CHD7: variants seen among roughly 807,000 people sequenced by gnomAD.
CHD7 encodes the protein chromodomain helicase DNA binding protein 7, also known as ATP-dependent chromatin remodeler CHD7.
In CHD7, 24 loss-of-function variants were observed where a neutral mutation model predicts 307.3. The ratio of observed to expected loss-of-function variants is 0.08; its 90% CI spans 0.06 to 0.11. The LOEUF is 0.11. Ranked by LOEUF, CHD7 falls within the 10% of genes least tolerant of loss-of-function variation. The pLI is 1.00. For missense variants in CHD7, 3,106 were observed against 3,727.1 expected (o/e 0.83, Z 4.34); for synonymous variants, 1,363 against 1,349.9 (o/e 1.01, Z -0.21).
chr8:60,707,849 C>T (rs1807092447), intron 1 of CHD7, among the ~76,000 whole-genome samples: 1 of 152,112 alleles, frequency 6.6e-6, no homozygotes, highest in South Asian at 2.1e-4. Context: ...TCACGTTGTA[C>T]CTTAAATACA....
At chr8:60,828,952 T>G in intron 14 of CHD7, 146 bp downstream of exon 14, 1 of 699,386 alleles carries the variant, frequency 1.4e-6, no homozygotes, top group Non-Finnish European at 2.3e-6. Context: ...TTCCTTGGAC[T>G]TTCCAGGTCA....
intron 3 of CHD7, among the ~76,000 whole-genome samples, chr8:60,787,854 A>G (rs1811574008): frequency 7.7e-6 from 1 of 129,822 alleles, no homozygotes; most frequent in Non-Finnish European, 1.6e-5. Context: ...TTTTTGAAAC[A>G]GACTCGCTCT....
At chr8:60,790,851 A>G (rs1811741952) in intron 3 of CHD7, among the ~76,000 whole-genome samples, 1 of 152,174 alleles carries the variant, frequency 6.6e-6, no homozygotes, top group Non-Finnish European at 1.5e-5. Context: ...GGGGTACATC[A>G]TGTGACATGT....
chr8:60,819,591 G>T (rs942441115), intron 8 of CHD7, among the ~76,000 whole-genome samples: 18 of 152,186 alleles, frequency 1.2e-4, no homozygotes, highest in African/African-American at 4.3e-4. Flanking sequence ...ATGCTATAAG[G>T]CATCGGACAA....
chr8:60,843,086 A>G (rs1805045363), intron 21 of CHD7, among the ~76,000 whole-genome samples: 2 of 152,006 alleles, frequency 1.3e-5, no homozygotes, highest in Admixed American at 6.5e-5. Flanking sequence ...CACACTCATC[A>G]TGTTGTTTAC....
At chr8:60,784,954 C>T (rs1186027935) in intron 3 of CHD7, among the ~76,000 whole-genome samples, 2 of 152,082 alleles carry the variant, frequency 1.3e-5, no homozygotes, top group East Asian at 3.8e-4. Context: ...CTAGTGTTCT[C>T]CCCAGTTGTC....
intron 1 of CHD7, among the ~76,000 whole-genome samples, chr8:60,733,433 C>G (rs899432031): frequency 6.6e-6 from 1 of 152,170 alleles, no homozygotes; most frequent in Non-Finnish European, 1.5e-5. Flanking sequence ...AATGAAGACC[C>G]TGCTGGACAT....
At chr8:60,846,773 T>A (rs1236095290) in intron 23 of CHD7, among the ~76,000 whole-genome samples, 1 of 152,252 alleles carries the variant, frequency 6.6e-6, no homozygotes, top group Non-Finnish European at 1.5e-5. Flanking sequence ...TTTATCCCCA[T>A]TTAACTGACA....
At position 60,800,370 on chromosome 8, in the gene CHD7, C is replaced by T. The variant is rs751433494; in HGVS notation, c.2239-18C>T. 1 of 1,611,214 alleles carries T rather than the reference C, an allele frequency of 6.2e-7. No homozygotes were observed. The highest frequency in any genetic ancestry group is 2.2e-5 in the East Asian group (1 of 44,774). On this transcript the variant is annotated intron_variant, in intron 4 of 37. Coordinates refer to ENST00000423902, the MANE Select transcript of CHD7 (RefSeq NM_017780.4). ...TAATCATTAATTTCAAGGCCACTGT[C>T]TTGGGTTTTTGTTTTAGAAGAGACG...
intron 13 of CHD7, 42 bp from the exon 14 acceptor site, chr8:60,828,621 T>C (rs1403673299): frequency 1.3e-6 from 2 of 1,559,432 alleles, no homozygotes; most frequent in African/African-American, 1.4e-5. Context: ...AGAAAGTGTT[T>C]TTGTTACAAT....
chr8:60,735,495 TA>T (rs1808658135), intron 1 of CHD7, among the ~76,000 whole-genome samples: 1 of 152,342 alleles, frequency 6.6e-6, no homozygotes, highest in Admixed American at 6.5e-5. Context: ...CTTTTTTTTC[TA>T]AATCTTTTTC....
At chr8:60,788,668 C>T (rs951783695) in intron 3 of CHD7, among the ~76,000 whole-genome samples, 4 of 152,270 alleles carry the variant, frequency 2.6e-5, no homozygotes, top group South Asian at 2.1e-4. Context: ...CCAGGCCAGA[C>T]GCCTGAGAAC....
intron 2 of CHD7, among the ~76,000 whole-genome samples, chr8:60,758,159 G>A (rs1809987921): frequency 6.6e-6 from 1 of 151,508 alleles, no homozygotes; most frequent in African/African-American, 2.4e-5. Flanking sequence ...TTTTTTTGAG[G>A]TGGTCTTACT....
intron 15 of CHD7, among the ~76,000 whole-genome samples, chr8:60,831,917 C>A (rs943392643): frequency 6.6e-6 from 1 of 152,126 alleles, no homozygotes; most frequent in African/African-American, 2.4e-5. Flanking sequence ...GTCTCCGTTA[C>A]TAATGGACAG....
At position 60,780,586 on chromosome 8, in the gene CHD7, C is replaced by A. The variant is rs558097594; in HGVS notation, c.1666-414C>A. Reference sequence around the variant, plus strand: ...GTATACTTGCTCATTTTAAAAATGGCTAAATTATATACCTTTTATTTGAGC... The same window carrying A: ...GTATACTTGCTCATTTTAAAAATGGATAAATTATATACCTTTTATTTGAGC... On this transcript the variant is annotated intron_variant, in intron 2 of 37. Transcript: ENST00000423902. Among the ~76,000 whole-genome samples, 18 of 152,314 alleles carry A rather than the reference C, an allele frequency of 1.2e-4. No individual in the cohort carries two copies. In the South Asian group the frequency reaches 1.4e-3, roughly 12 times the overall value.
At chr8:60,787,284 C>A (rs529964603) in intron 3 of CHD7, among the ~76,000 whole-genome samples, 2 of 152,182 alleles carry the variant, frequency 1.3e-5, no homozygotes, top group South Asian at 4.1e-4. Context: ...TGTTAGCCAC[C>A]CTGGCAGATT....
intron 23 of CHD7, among the ~76,000 whole-genome samples, chr8:60,845,868 A>G (rs1276620723): frequency 6.6e-6 from 1 of 152,262 alleles, no homozygotes; most frequent in Non-Finnish European, 1.5e-5. Flanking sequence ...CACTGTATCA[A>G]TTAAACAGTA....
intron 13 of CHD7, among the ~76,000 whole-genome samples, chr8:60,825,741 A>G (rs866069872): frequency 6.6e-6 from 1 of 152,204 alleles, no homozygotes; most frequent in Non-Finnish European, 1.5e-5. Context: ...TTATTAGTTC[A>G]TGTGTTCCCA....
In CHD7 at chr8:60,830,505, G is replaced by T; in HGVS notation, c.3706G>T (p.Ala1236Ser). The change falls in exon 15 of 38, where the codon GCT (alanine) becomes TCT (serine). Residue 1236 changes from alanine to serine, a missense_variant. Ala to Ser is a moderately conservative substitution (Grantham distance 99). Transcript: ENST00000423902. ...FTFLSKGGGQ[A>S]NVPNLLNTMM... is the part of the protein sequence containing the mutation. ...ATTTCTTTCCAAAGGCGGTGGTCAAGCTAACGTACCTAACCTATTAAACAC... is the reference window on the plus strand; with the variant it reads ...ATTTCTTTCCAAAGGCGGTGGTCAATCTAACGTACCTAACCTATTAAACAC... The T allele has an allele frequency of 6.2e-7, 1 of 1,613,966 alleles. No individual in the cohort carries two copies. The highest frequency in any genetic ancestry group is 2.2e-5 in the East Asian group (1 of 44,882).
Sources: allele counts gnomAD v4.1 joint callset (sites outside exome capture counted in the v4.1 genomes callset), GRCh38; gene constraint gnomAD v4.1.1; transcripts MANE v1.5; gene names NCBI Gene and HGNC (gene_info 2026-07-23, HGNC 2026-07-21).